Variants in KCNQ1 observed in about 807,000 individuals in gnomAD.
KCNQ1 encodes the protein potassium voltage-gated channel subfamily Q member 1.
Under a neutral mutation model 72.4 loss-of-function variants are expected in KCNQ1, and 49 were observed. The observed-to-expected ratio is 0.68, with a 90% CI of 0.54 to 0.86. The LOEUF (loss-of-function observed/expected upper bound fraction) is 0.86. KCNQ1 is among the 40% of genes least tolerant of loss of function. KCNQ1 has a pLI of 0.00. For missense variants in KCNQ1, 790 were observed against 945.1 expected, an observed-to-expected ratio of 0.84 and a Z score of 2.15; for synonymous variants, 450 against 412.6, an observed-to-expected ratio of 1.09 and a Z score of -1.10.
At chr11:2,693,775 G>A (rs1850628376) in intron 11 of KCNQ1, 1 of 398,648 alleles carries the variant, frequency 2.5e-6, no homozygotes, top group Admixed American at 4.4e-5. Context: ...ACATGCTGGG[G>A]CCGGCCAGTT....
At chr11:2,796,347 C>T (rs1438638731) in intron 15 of KCNQ1, among the ~76,000 whole-genome samples, 3 of 152,190 alleles carry the variant, frequency 2.0e-5, no homozygotes, top group Admixed American at 6.5e-5. Flanking sequence ...TCAGTTCTCA[C>T]GGCTCCTCCC....
At chr11:2,777,129 C>A in intron 14 of KCNQ1, 97 bp downstream of exon 14, 1 of 1,169,498 alleles carries the variant, frequency 8.6e-7, no homozygotes, top group Non-Finnish European at 1.3e-6. Context: ...CAGAATGGGC[C>A]ATTGCACCTC....
In KCNQ1 at chr11:2,652,970, T is replaced by C. The variant is rs1849780311; in HGVS notation, c.1394-8991T>C. 2.5e-6 allele frequency: 1 copy of C among 398,550 alleles called. No homozygotes were observed. The highest frequency in any genetic ancestry group is 4.4e-6 in the Non-Finnish European group (1 of 226,088). 24.7% of individuals were successfully genotyped at this position (398,550 alleles called of 1,614,324 possible). A position where few individuals can be genotyped will look rare whatever the true frequency, so the allele number is the denominator to read the frequency against. On this transcript the variant is annotated intron_variant, in intron 10 of 15. Transcript: ENST00000155840. The surrounding 1 kb of genome is among the most constrained non-coding windows in gnomAD (Gnocchi z 5.9). ...GGACTTCTCAGGATTCCGGAAGTCATCTTTGACTGTGTCACATCACTGTCA... is the reference window on the plus strand; with the variant it reads ...GGACTTCTCAGGATTCCGGAAGTCACCTTTGACTGTGTCACATCACTGTCA...
In KCNQ1 at chr11:2,559,693, C is replaced by T. The variant is rs1848130757; in HGVS notation, c.478-10935C>T. Among the ~76,000 whole-genome samples, 1 of 152,266 alleles carries T rather than the reference C, an allele frequency of 6.6e-6. No homozygotes were observed. Among genetic ancestry groups the T allele is most frequent in the African/African-American group, 2.4e-5 (1 of 41,556 alleles). On this transcript the variant is annotated intron_variant, in intron 2 of 15. Transcript: ENST00000155840. This position sits in a 1 kb window ranked among gnomAD's most constrained non-coding sequence, Gnocchi z 4.9. ...GCTAGTTCTGGAGGGAAAGCGGCCT[C>T]GTGCCTCCCAGAGTCACCCCGAAAT... is the stretch of plus-strand genomic sequence containing the variant.
At position 2,486,397 on chromosome 11, in the gene KCNQ1, A is replaced by T. The variant is rs1021982512; in HGVS notation, c.386+40913A>T. Among the ~76,000 whole-genome samples, 3 of 152,156 alleles carry T rather than the reference A, an allele frequency of 2.0e-5. No individual in the cohort carries two copies. The highest frequency in any genetic ancestry group is 4.4e-5 in the Non-Finnish European group (3 of 68,040). On this transcript the variant is annotated intron_variant, in intron 1 of 15. Coordinates refer to ENST00000155840, the MANE Select transcript of KCNQ1 (RefSeq NM_000218.3). This position sits in a 1 kb window ranked among gnomAD's most constrained non-coding sequence, Gnocchi z 5.0. The stretch of plus-strand genomic sequence containing the variant: ...ACTTCTCTATATATTCTGGATATTA[A>T]TCCCTTATCAGATATAGGATTTGCA...
rs2133807280 is a variant in KCNQ1, at chr11:2,623,648, A to G, written c.1393+34794A>G. 1 of 398,524 alleles carries G rather than the reference A, an allele frequency of 2.5e-6. No individual in the cohort carries two copies. Among genetic ancestry groups the G allele is most frequent in the South Asian group, 1.3e-4 (1 of 7,850 alleles). The allele number at this position is 398,524 out of a possible 1,614,324, so 24.7% of individuals were successfully genotyped here. ...TAATATTTCATTGCCTGGATGTACT[A>G]CAGTTTATCTGTCTACTCACCTATG... On this transcript the variant is annotated intron_variant, in intron 10 of 15. Coordinates refer to ENST00000155840, the MANE Select transcript of KCNQ1 (RefSeq NM_000218.3). This position sits in a 1 kb window ranked among gnomAD's most constrained non-coding sequence, Gnocchi z 5.2.
chr11:2,682,588 C>T lies in KCNQ1; in HGVS notation c.1514+20507C>T. 1 of 398,592 alleles carries T rather than the reference C, an allele frequency of 2.5e-6. No homozygotes were observed. The highest frequency in any genetic ancestry group is 4.4e-6 in the Non-Finnish European group (1 of 226,094). The allele number at this position is 398,592 out of a possible 1,614,324, so 24.7% of individuals were successfully genotyped here. A position where few individuals can be genotyped will look rare whatever the true frequency, so the allele number is the denominator to read the frequency against. The stretch of plus-strand genomic sequence containing the variant: ...ATGCTGGGGTTCAGGCAACCCAAGG[C>T]TGGTCTGGAGAGTGTAAGGCTTGAG... On this transcript the variant is annotated intron_variant, in intron 11 of 15. Transcript: ENST00000155840. The surrounding 1 kb of genome is among the most constrained non-coding windows in gnomAD (Gnocchi z 5.8).
At position 2,647,484 on chromosome 11, in the gene KCNQ1, G is replaced by T; in HGVS notation, c.1394-14477G>T. 2.5e-6 allele frequency: 1 copy of T among 398,468 alleles called. No homozygotes were observed. 24.7% of individuals were successfully genotyped at this position (398,468 alleles called of 1,614,324 possible). A position where few individuals can be genotyped will look rare whatever the true frequency, so the allele number is the denominator to read the frequency against. On this transcript the variant is annotated intron_variant, in intron 10 of 15. Coordinates refer to ENST00000155840, the MANE Select transcript of KCNQ1 (RefSeq NM_000218.3). This position sits in a 1 kb window ranked among gnomAD's most constrained non-coding sequence, Gnocchi z 4.0. ...TTTTGCTGTTATTGTGTCCTTATCTGGTTTTGGTATCAAGATACTGCTTGC... is the reference window on the plus strand; with the variant it reads ...TTTTGCTGTTATTGTGTCCTTATCTTGTTTTGGTATCAAGATACTGCTTGC...
Position 2,647,709 on chromosome 11 carries a change from G to T in KCNQ1, c.1394-14252G>T, listed in dbSNP as rs1411890050. 2.5e-6 allele frequency: 1 copy of T among 398,010 alleles called. No homozygotes were observed. The highest frequency in any genetic ancestry group is 4.4e-6 in the Non-Finnish European group (1 of 225,952). The allele number at this position is 398,010 out of a possible 1,614,324, so 24.7% of individuals were successfully genotyped here. A position where few individuals can be genotyped will look rare whatever the true frequency, so the allele number is the denominator to read the frequency against. On this transcript the variant is annotated intron_variant, in intron 10 of 15. Coordinates refer to ENST00000155840, the MANE Select transcript of KCNQ1 (RefSeq NM_000218.3). The surrounding 1 kb of genome is among the most constrained non-coding windows in gnomAD (Gnocchi z 4.0). The stretch of plus-strand genomic sequence containing the variant: ...CTCTGTTCAGATTTTTTTTCTTCCT[G>T]GTTCAATCTTGGGAGGTTATATATG...
At chr11:2,585,024 G>A (rs1848571926) in intron 7 of KCNQ1, among the ~76,000 whole-genome samples, 188 bp from the exon 8 acceptor site, 1 of 152,192 alleles carries the variant, frequency 6.6e-6, no homozygotes, top group African/African-American at 2.4e-5. Flanking sequence ...GATAAGACCT[G>A]GGGTATAAGT....
intron 11 of KCNQ1, among the ~76,000 whole-genome samples, chr11:2,743,861 G>T (rs1590064472): frequency 6.6e-6 from 1 of 152,246 alleles, no homozygotes; most frequent in African/African-American, 2.4e-5. Context: ...TCTTCTGGTA[G>T]GGTGGGATAT....
intron 11 of KCNQ1, among the ~76,000 whole-genome samples, chr11:2,761,079 G>C (rs935374477): frequency 6.6e-6 from 1 of 152,220 alleles, no homozygotes; most frequent in African/African-American, 2.4e-5. Context: ...CAGATCACAC[G>C]TGGGCTTGGA....
Position 2,682,715 on chromosome 11 carries a change from T to A in KCNQ1, c.1514+20634T>A. On this transcript the variant is annotated intron_variant, in intron 11 of 15. Transcript: ENST00000155840. This position sits in a 1 kb window ranked among gnomAD's most constrained non-coding sequence, Gnocchi z 5.8. ...CCAAAGTTGACCAGAATATCTCTAG[T>A]CATAAAGAATCTCTTCCCCTTGAGC... The A allele has an allele frequency of 2.5e-6, 1 of 398,570 alleles. No homozygotes were observed. The allele number at this position is 398,570 out of a possible 1,614,324, so 24.7% of individuals were successfully genotyped here. A position where few individuals can be genotyped will look rare whatever the true frequency, so the allele number is the denominator to read the frequency against.
At chr11:2,629,747 C>G (rs774880907) in intron 10 of KCNQ1, 6 of 398,392 alleles carry the variant, frequency 1.5e-5, no homozygotes, top group African/African-American at 4.1e-5. Flanking sequence ...TGTATAGATA[C>G]GCAAATGACT....
intron 11 of KCNQ1, chr11:2,666,444 A>G (rs548070735): frequency 3.8e-5 from 15 of 398,560 alleles, no homozygotes; most frequent in Admixed American, 2.6e-4. Flanking sequence ...CATGTCTTCA[A>G]CTTTCTCCTG....
rs1032837575 is a variant in KCNQ1, at chr11:2,541,890, G to C, written c.477+13872G>C. 1.3e-5 allele frequency among the ~76,000 whole-genome samples: 2 copies of C among 152,160 alleles called. No individual in the cohort carries two copies. Among genetic ancestry groups the C allele is most frequent in the Non-Finnish European group, 2.9e-5 (2 of 68,032 alleles). ...GGTCCTCGCATAGACATCAGCTAAG[G>C]GGGTTTGGGGGCCAGTCGGCAGCCT... On this transcript the variant is annotated intron_variant, in intron 2 of 15. Coordinates refer to ENST00000155840, the MANE Select transcript of KCNQ1 (RefSeq NM_000218.3). This position sits in a 1 kb window ranked among gnomAD's most constrained non-coding sequence, Gnocchi z 4.8.
chr11:2,820,822 C>T (rs1847717766), intron 15 of KCNQ1, among the ~76,000 whole-genome samples: 1 of 152,200 alleles, frequency 6.6e-6, no homozygotes, highest in African/African-American at 2.4e-5. Context: ...TAGAGCCCCT[C>T]TGGAAGCTGC....
At position 2,764,368 on chromosome 11, in the gene KCNQ1, G is replaced by C. The variant is rs1846458891; in HGVS notation, c.1515-4476G>C. ...AGAGTGACGCTGCTTGGTCCTTAGAGGGTAAACTCAGCATGCACAAGTGGA... is the reference window on the plus strand; with the variant it reads ...AGAGTGACGCTGCTTGGTCCTTAGACGGTAAACTCAGCATGCACAAGTGGA... On this transcript the variant is annotated intron_variant, in intron 11 of 15. Coordinates refer to ENST00000155840, the MANE Select transcript of KCNQ1 (RefSeq NM_000218.3). The surrounding 1 kb of genome is among the most constrained non-coding windows in gnomAD (Gnocchi z 4.8). Among the ~76,000 whole-genome samples the C allele has an allele frequency of 6.6e-6, 1 of 152,268 alleles. No homozygotes were observed. The highest frequency in any genetic ancestry group is 1.9e-4 in the East Asian group (1 of 5,184).
At chr11:2,452,523 A>G (rs1357384226) in intron 1 of KCNQ1, among the ~76,000 whole-genome samples, 2 of 106,902 alleles carry the variant, frequency 1.9e-5, no homozygotes, top group East Asian at 5.3e-4. Flanking sequence ...CAAAGAGGGG[A>G]GCAGCTGGAG....
Sources: allele counts gnomAD v4.1 joint callset (sites outside exome capture counted in the v4.1 genomes callset), GRCh38; gene constraint gnomAD v4.1.1; non-coding constraint Gnocchi (gnomAD v3.1); transcripts MANE v1.5; gene names NCBI Gene and HGNC (gene_info 2026-07-23, HGNC 2026-07-21).